The following LIPC variants were observed in gnomAD, a reference collection of about 807,000 sequenced individuals.
The protein encoded by LIPC is hepatic triacylglycerol lipase.
Under a neutral mutation model 50.7 loss-of-function variants are expected in LIPC, and 44 were observed. That is an observed-to-expected ratio of 0.87 (90% CI 0.68 to 1.11). The LOEUF (loss-of-function observed/expected upper bound fraction) is 1.11, where lower values mean the gene tolerates loss of function less well. Ranked by LOEUF, LIPC falls within the 50% of genes most tolerant of loss-of-function variation. The pLI is 0.00. For synonymous variants in LIPC, 271 were observed against 256.4 expected, an observed-to-expected ratio of 1.06 and a Z score of -0.54; for missense variants, 697 against 648.2, an observed-to-expected ratio of 1.08 and a Z score of -0.82.
intron 1 of LIPC, among the ~76,000 whole-genome samples, chr15:58,505,886 G>GTA (rs1256571343): frequency 2.9e-5 from 4 of 137,888 alleles, no homozygotes; most frequent in Admixed American, 1.5e-4. Flanking sequence ...TTGCTGGTCA[G>GTA]CCCTAGGGAG....
chr15:58,538,181 T>C, intron 1 of LIPC, 152 bp from the exon 2 acceptor site: 1 of 803,996 alleles, frequency 1.2e-6, no homozygotes, highest in Non-Finnish European at 2.1e-6. Context: ...GAAACAGTCT[T>C]TGGGGCTCCC....
chr15:58,433,491 G>A (rs974246091), intron 1 of LIPC, among the ~76,000 whole-genome samples: 5 of 152,170 alleles, frequency 3.3e-5, no homozygotes, highest in African/African-American at 7.2e-5. Context: ...TCTTTCGTTC[G>A]ACATTATGTT....
rs372172193 is a variant in LIPC at position 58,548,480 on chromosome 15, G to A, written c.959G>A (p.Arg320His). 16 of 1,610,788 alleles carry A rather than the reference G, an allele frequency of 9.9e-6. No individual in the cohort carries two copies. The highest frequency in any genetic ancestry group is 6.7e-5 in the East Asian group (3 of 44,848). ...CTGTGCCTGAGCTGCAAGAAGGGCCGCTGCAACACGCTGGGCTACCACGTC... is the reference window on the plus strand; with the variant it reads ...CTGTGCCTGAGCTGCAAGAAGGGCCACTGCAACACGCTGGGCTACCACGTC... Reference protein sequence around the residue: ...QGLCLSCKKGRCNTLGYHVRQ... With the variant: ...QGLCLSCKKGHCNTLGYHVRQ... The change falls in exon 6 of 9, where the codon CGC becomes CAC. Residue 320 changes from arginine to histidine, a missense_variant. Coordinates refer to ENST00000299022, the MANE Select transcript of LIPC (RefSeq NM_000236.3).
chr15:58,435,257 G>A (rs934828345), intron 1 of LIPC: 1 of 152,152 alleles, frequency 6.6e-6, no homozygotes, highest in Admixed American at 6.5e-5. Context: ...CAAGACAGCT[G>A]GATTATCTTA....
intron 1 of LIPC, among the ~76,000 whole-genome samples, chr15:58,509,906 T>C (rs1892279766): frequency 6.6e-6 from 1 of 152,036 alleles, no homozygotes; most frequent in Admixed American, 6.6e-5. Flanking sequence ...GTATCACCAA[T>C]TAAAAAATTT....
chr15:58,566,510 A>C, intron 8 of LIPC: 1 of 946,040 alleles, frequency 1.1e-6, no homozygotes, highest in Non-Finnish European at 1.3e-6. Flanking sequence ...TGCAGACCAA[A>C]ATCCCAGAAT....
chr15:58,474,399 C>T (rs1190971578), intron 1 of LIPC, among the ~76,000 whole-genome samples: 2 of 151,798 alleles, frequency 1.3e-5, no homozygotes, highest in African/African-American at 4.8e-5. Context: ...CACCTGTGGT[C>T]CCACTTACTT....
At chr15:58,459,742 C>T (rs1894270022) in intron 1 of LIPC, among the ~76,000 whole-genome samples, 1 of 152,250 alleles carries the variant, frequency 6.6e-6, no homozygotes. Context: ...AGGAAGGAAT[C>T]CACACCCGTC....
Position 58,548,417 on chromosome 15 carries a change from C to T in LIPC, c.896C>T (p.Ala299Val), listed in dbSNP as rs1049029407. ...SLLHAGTQSM[A>V]YPCGDMNSFS... The stretch of plus-strand genomic sequence containing the variant: ...CTGCACGCCGGCACGCAGAGCATGG[C>T]CTACCCGTGTGGTGACATGAACAGC... The change falls in exon 6 of 9, where the codon GCC becomes GTC. Residue 299 changes from alanine (A) to valine (V), a missense_variant. Transcript: ENST00000299022. The T allele has an allele frequency of 6.2e-7, 1 of 1,614,162 alleles. No homozygotes were observed. The highest frequency in any genetic ancestry group is 8.5e-7 in the Non-Finnish European group (1 of 1,180,038).
intron 1 of LIPC, among the ~76,000 whole-genome samples, chr15:58,498,216 A>G (rs1891842965): frequency 6.6e-6 from 1 of 152,172 alleles, no homozygotes; most frequent in African/African-American, 2.4e-5. Flanking sequence ...AGTCTCCCCT[A>G]TCTCAAATCC....
At chr15:58,565,130 T>C in intron 8 of LIPC, 1 of 1,428,164 alleles carries the variant, frequency 7.0e-7, no homozygotes, top group Non-Finnish European at 9.5e-7. Context: ...CTCCCTGGGA[T>C]GCAAAATCCT....
chr15:58,511,973 T>C lies in LIPC; in HGVS notation c.89-26360T>C, dbSNP rs1164520318. Among the ~76,000 whole-genome samples the C allele has an allele frequency of 3.3e-5, 5 of 152,192 alleles. No homozygotes were observed. The East Asian group carries it at 9.6e-4, about 29-fold the overall frequency. On this transcript the variant is annotated intron_variant, in intron 1 of 8. Coordinates refer to ENST00000299022, the MANE Select transcript of LIPC (RefSeq NM_000236.3). ...ACATACACACAATTAAACTCAAACA[T>C]ACACATGGAGACACACACAGCATTT...
chr15:58,543,814 G>C lies in LIPC; in HGVS notation c.574+1163G>C, dbSNP rs151024681. ...TTTTTGTATTTTTAGTAGATACGGG[G>C]TTTCACCATATTGGTCAGGCTGGTC... On this transcript the variant is annotated intron_variant, in intron 4 of 8. Transcript: ENST00000299022. Among the ~76,000 whole-genome samples, 875 of 152,052 alleles carry C rather than the reference G, an allele frequency of 5.8e-3. 6 individuals are homozygous for C. The highest frequency in any genetic ancestry group is 0.02 in the African/African-American group (843 of 41,458).
At chr15:58,529,004 C>T (rs1237057391) in intron 1 of LIPC, among the ~76,000 whole-genome samples, 1 of 152,138 alleles carries the variant, frequency 6.6e-6, no homozygotes, top group Non-Finnish European at 1.5e-5. Flanking sequence ...TTCCTAGATC[C>T]CTTGACTGTG....
intron 1 of LIPC, among the ~76,000 whole-genome samples, chr15:58,515,425 A>G (rs190067727): frequency 1.3e-5 from 2 of 152,222 alleles, no homozygotes; most frequent in East Asian, 3.9e-4. Flanking sequence ...AGCAGCTACT[A>G]TGTGCAGGGC....
intron 1 of LIPC, among the ~76,000 whole-genome samples, chr15:58,495,645 G>C (rs1251853208): frequency 2.0e-5 from 3 of 152,174 alleles, no homozygotes; most frequent in African/African-American, 7.2e-5. Flanking sequence ...GAGAGAGTAA[G>C]TAACTTATTC....
chr15:58,493,591 T>A (rs1891662399), intron 1 of LIPC, among the ~76,000 whole-genome samples: 1 of 142,532 alleles, frequency 7.0e-6, no homozygotes, highest in South Asian at 2.1e-4. Context: ...TTATTACGTA[T>A]AAATAAAATT....
At chr15:58,476,025 C>T (rs544921048) in intron 1 of LIPC, among the ~76,000 whole-genome samples, 6 of 152,356 alleles carry the variant, frequency 3.9e-5, no homozygotes, top group Admixed American at 2.0e-4. Flanking sequence ...GTTCTTACAC[C>T]AGGCAGCGTG....
chr15:58,568,623 A>G, intron 8 of LIPC, 93 bp from the exon 9 acceptor site: 1 of 781,538 alleles, frequency 1.3e-6, no homozygotes, highest in Non-Finnish European at 2.2e-6. Context: ...CACATGCCTT[A>G]CACAAATTGA....
Sources: allele counts gnomAD v4.1 joint callset (sites outside exome capture counted in the v4.1 genomes callset), GRCh38; gene constraint gnomAD v4.1.1; transcripts MANE v1.5; gene names NCBI Gene and HGNC (gene_info 2026-07-23, HGNC 2026-07-21).